The following ZNF503 variants were observed in gnomAD, a reference collection of about 807,000 sequenced individuals.
The protein encoded by ZNF503 is NocA-like zinc finger 2.
A neutral mutation model predicts 34.4 loss-of-function variants in ZNF503; 15 were observed. The observed-to-expected ratio is 0.44, with a 90% CI of 0.29 to 0.67. ZNF503 has a LOEUF of 0.67. ZNF503 is among the 30% of genes least tolerant of loss of function. ZNF503 has a pLI of 0.13. For missense variants in ZNF503, 1,007 were observed against 926.8 expected, an observed-to-expected ratio of 1.09 and a Z score of -1.12; for synonymous variants, 580 against 456.8, an observed-to-expected ratio of 1.27 and a Z score of -3.44.
At chr10:75,401,047 G>C (rs1436415041) in intron 1 of ZNF503, 58 bp downstream of exon 1, 2 of 1,609,210 alleles carry the variant, frequency 1.2e-6, no homozygotes, top group Non-Finnish European at 1.7e-6. Context: ...GAAAAAGAAA[G>C]CCCTAGGGTG....
At chr10:75,397,308 C>G (rs1184617342), downstream of ZNF503, among the ~76,000 whole-genome samples, 1 of 152,180 alleles carries the variant, frequency 6.6e-6, no homozygotes, top group Non-Finnish European at 1.5e-5. Context: ...CCCCTAGGGA[C>G]CAGAGGGTCC....
the ZNF503 span, among the ~76,000 whole-genome samples, chr10:75,362,551 T>C: frequency 6.6e-6 from 1 of 152,150 alleles, no homozygotes; most frequent in Non-Finnish European, 1.5e-5. Context: ...TCAGATAAAA[T>C]ACATCATCAT....
chr10:75,384,261 G>T, the ZNF503 span, among the ~76,000 whole-genome samples: 5 of 151,876 alleles, frequency 3.3e-5, no homozygotes, highest in East Asian at 5.8e-4. Flanking sequence ...ACACACATGC[G>T]CATACACACA....
the ZNF503 span, among the ~76,000 whole-genome samples, chr10:75,354,846 GTTTTGTT>G: frequency 0.013 from 1,049 of 77,962 alleles, 9 homozygotes; most frequent in Non-Finnish European, 0.02. Context: ...TTTTTGTTTT[GTTTTGTT>G]TTGTTTTTTT....
chr10:75,365,702 G>C, the ZNF503 span, among the ~76,000 whole-genome samples: 2 of 152,290 alleles, frequency 1.3e-5, no homozygotes, highest in East Asian at 3.9e-4. Flanking sequence ...CTCCCCTCTG[G>C]AATGGGGTTG....
At chr10:75,289,175 T>A in the ZNF503 span, among the ~76,000 whole-genome samples, 1 of 152,054 alleles carries the variant, frequency 6.6e-6, no homozygotes, top group Admixed American at 6.5e-5. Context: ...CAAAGACTGT[T>A]TATGTTAGGG....
chr10:75,349,317 A>G, the ZNF503 span, among the ~76,000 whole-genome samples: 1 of 152,174 alleles, frequency 6.6e-6, no homozygotes, highest in East Asian at 1.9e-4. Context: ...ATCTTTTATG[A>G]CATTGACATT....
At chr10:75,281,307 C>A in the ZNF503 span, among the ~76,000 whole-genome samples, 1 of 151,958 alleles carries the variant, frequency 6.6e-6, no homozygotes, top group African/African-American at 2.4e-5. Flanking sequence ...GGAGGAGACA[C>A]CTGAAGAAGA....
At chr10:75,292,378 A>G in the ZNF503 span, among the ~76,000 whole-genome samples, 2,962 of 152,292 alleles carry the variant, frequency 0.019, 91 homozygotes, top group African/African-American at 0.068. Flanking sequence ...CTTGTTGGGA[A>G]GGCCAAGCAT....
the ZNF503 span, among the ~76,000 whole-genome samples, chr10:75,337,926 T>C: frequency 6.6e-6 from 1 of 152,360 alleles, no homozygotes; most frequent in Middle Eastern, 3.4e-3. Flanking sequence ...GATGTTGTAC[T>C]AAATGCTTAT....
chr10:75,288,220 T>C, the ZNF503 span: 1 of 152,368 alleles, frequency 6.6e-6, no homozygotes, highest in Admixed American at 6.5e-5. Context: ...ATTGCAGAAA[T>C]TTGGGCAAAG....
the ZNF503 span, among the ~76,000 whole-genome samples, chr10:75,386,740 A>C: frequency 6.6e-6 from 1 of 152,094 alleles, no homozygotes; most frequent in Non-Finnish European, 1.5e-5. Context: ...TCCTGCTTCC[A>C]TCCCTTTGAT....
the ZNF503 span, among the ~76,000 whole-genome samples, chr10:75,331,295 C>T: frequency 4.3e-3 from 659 of 152,306 alleles, 5 homozygotes; most frequent in African/African-American, 0.014. Flanking sequence ...ATGAAATGTT[C>T]TGTAAATGTC....
At chr10:75,298,733 T>C in the ZNF503 span, among the ~76,000 whole-genome samples, 1 of 152,084 alleles carries the variant, frequency 6.6e-6, no homozygotes, top group Non-Finnish European at 1.5e-5. Flanking sequence ...GATTGCTGGG[T>C]CATGCGCTGA....
At chr10:75,340,887 C>T in the ZNF503 span, among the ~76,000 whole-genome samples, 3 of 152,224 alleles carry the variant, frequency 2.0e-5, no homozygotes, top group African/African-American at 4.8e-5. Context: ...AGGCATGAGC[C>T]TCCATACTCC....
chr10:75,302,380 G>A, the ZNF503 span, among the ~76,000 whole-genome samples: 6 of 151,928 alleles, frequency 3.9e-5, no homozygotes, highest in Non-Finnish European at 8.8e-5. Context: ...GGTTTATTGA[G>A]CTTCTTAGAT....
the ZNF503 span, among the ~76,000 whole-genome samples, chr10:75,341,127 G>A: frequency 2.0e-5 from 3 of 152,304 alleles, no homozygotes; most frequent in South Asian, 6.2e-4. Flanking sequence ...TGTTGTGAAG[G>A]TTACAGTTAG....
chr10:75,382,041 C>A, the ZNF503 span, among the ~76,000 whole-genome samples: 11 of 151,834 alleles, frequency 7.2e-5, no homozygotes, highest in Admixed American at 1.3e-4. Flanking sequence ...AACTCTTGAC[C>A]TCAAGTGATC....
the ZNF503 span, among the ~76,000 whole-genome samples, chr10:75,345,492 A>G: frequency 1.6e-4 from 24 of 151,892 alleles, no homozygotes; most frequent in African/African-American, 5.8e-4. Context: ...AAAATTAGCC[A>G]GGCGTTGTGG....
Sources: gnomAD v4.1 joint callset for allele counts (sites outside exome capture counted in the v4.1 genomes callset) on GRCh38, gnomAD v4.1.1 for gene constraint, MANE v1.5 for transcripts, NCBI Gene and HGNC (gene_info 2026-07-23, HGNC 2026-07-21) for gene names.